Variants in RIN2 observed in about 807,000 individuals in gnomAD.
RIN2 encodes the protein RAB5 interacting protein 2.
In RIN2, 36 loss-of-function variants were observed where a neutral mutation model predicts 78.0. The ratio of observed to expected loss-of-function variants is 0.46; its 90% CI spans 0.35 to 0.61. RIN2 has a LOEUF of 0.61. Ranked by LOEUF, RIN2 falls within the 20% of genes least tolerant of loss-of-function variation. RIN2 has a pLI of 0.00. For synonymous variants in RIN2, 466 were observed against 466.8 expected (o/e 1.00, Z 0.02); for missense variants, 1,087 against 1,159.7 (o/e 0.94, Z 0.91).
intron 2 of RIN2, among the ~76,000 whole-genome samples, chr20:19,869,352 C>T (rs1568558202): frequency 6.6e-6 from 1 of 152,208 alleles, no homozygotes; most frequent in Non-Finnish European, 1.5e-5. Context: ...AAGACCCTCA[C>T]TATTCCTTCA....
At position 19,887,032 on chromosome 20, in the gene RIN2, T is replaced by C. The variant is rs117100994; in HGVS notation, c.-36-2534T>C. ...CTTTTGGGGCCCTGAAGAACTTTTT[T>C]TTTTTTCTTTCGAGACAGAGTGTTA... On this transcript the variant is annotated intron_variant, in intron 2 of 12. Transcript: ENST00000255006. Among the ~76,000 whole-genome samples, 338 of 152,120 alleles carry C rather than the reference T, an allele frequency of 2.2e-3. 3 individuals carry two copies. In the East Asian group the frequency reaches 0.026, roughly 12 times the overall value.
At chr20:19,788,439 A>AAAAAAAAAAAAAAAC (rs1555818733) in intron 1 of RIN2, among the ~76,000 whole-genome samples, 1 of 132,994 alleles carries the variant, frequency 7.5e-6, no homozygotes, top group Non-Finnish European at 1.5e-5. Context: ...TGCCAAAAAA[A>AAAAAAAAAAAAAAAC]AAAAAAAAAA....
intron 3 of RIN2, among the ~76,000 whole-genome samples, chr20:19,902,878 T>TTGAG (rs2039046636): frequency 6.6e-6 from 1 of 152,024 alleles, no homozygotes; most frequent in African/African-American, 2.4e-5. Flanking sequence ...TGGATCACAA[T>TTGAG]GTCAGGAGAT....
intron 2 of RIN2, among the ~76,000 whole-genome samples, chr20:19,856,077 CA>C (rs893945830): frequency 1.3e-5 from 2 of 149,682 alleles, no homozygotes; most frequent in Non-Finnish European, 3.0e-5. Flanking sequence ...CCTTCTAGAA[CA>C]AAAAAAAAGA....
At chr20:19,993,002 G>T (rs942759948) in intron 11 of RIN2, among the ~76,000 whole-genome samples, 6 of 151,894 alleles carry the variant, frequency 4.0e-5, no homozygotes, top group Non-Finnish European at 8.8e-5. Context: ...GTTGGCATTC[G>T]GGTTCCTTCT....
At chr20:19,810,754 C>T (rs1336859503) in intron 2 of RIN2, among the ~76,000 whole-genome samples, 5 of 128,024 alleles carry the variant, frequency 3.9e-5, no homozygotes, top group Non-Finnish European at 6.2e-5. Flanking sequence ...AGTGCAGTGG[C>T]GTGATCTCGG....
intron 2 of RIN2, among the ~76,000 whole-genome samples, chr20:19,850,471 A>G (rs1263604245): frequency 6.6e-6 from 1 of 152,194 alleles, no homozygotes. Context: ...GTCCTCACAA[A>G]CCACTTGGCC....
chr20:19,947,275 G>A (rs911258502), intron 4 of RIN2, among the ~76,000 whole-genome samples: 1 of 152,168 alleles, frequency 6.6e-6, no homozygotes, highest in African/African-American at 2.4e-5. Context: ...CTGAGGCTGA[G>A]GCAGGAGGAT....
rs1431075830 is a variant in RIN2, at chr20:19,975,048, C to G, written c.1023C>G (p.Asn341Lys). 1 of 1,609,586 alleles carries G rather than the reference C, an allele frequency of 6.2e-7. No individual in the cohort carries two copies. Among genetic ancestry groups the G allele is most frequent in the Non-Finnish European group, 8.5e-7 (1 of 1,178,174 alleles). Reference sequence around the variant, plus strand: ...GCATGCCAGAAACAGTCAACCATAACAAACATGGGAACGTAGCTCTGCCTG... The same window carrying G: ...GCATGCCAGAAACAGTCAACCATAAGAAACATGGGAACGTAGCTCTGCCTG... The part of the protein sequence containing the change: ...QTSMPETVNH[N>K]KHGNVALPGT... Residue 341 changes from asparagine to lysine, a missense_variant, in exon 9 of 13, where the codon AAC (asparagine) becomes AAG (lysine). Physicochemically the swap from Asn to Lys is moderately conservative, Grantham distance 94 (BLOSUM62 0). Around this residue, in one of 8 missense-constraint regions of RIN2, gnomAD observed 706 missense variants for 667.5 expected, o/e 1.06. Coordinates refer to ENST00000255006, the MANE Select transcript of RIN2 (RefSeq NM_018993.4). This position sits in a 1 kb window ranked among gnomAD's most constrained non-coding sequence, Gnocchi z 4.9.
chr20:19,860,949 A>G (rs1283068945), intron 2 of RIN2, among the ~76,000 whole-genome samples: 2 of 152,208 alleles, frequency 1.3e-5, no homozygotes, highest in Non-Finnish European at 2.9e-5. Context: ...AACCCAGGAA[A>G]GTAGCAAATT....
At chr20:19,948,933 G>T (rs564937070) in intron 4 of RIN2, among the ~76,000 whole-genome samples, 41 of 151,920 alleles carry the variant, frequency 2.7e-4, no homozygotes, top group Non-Finnish European at 5.0e-4. Flanking sequence ...CTCCGAAAAT[G>T]CTGGGATTAT....
chr20:19,925,097 G>GAA (rs11476905), intron 3 of RIN2, among the ~76,000 whole-genome samples: 2 of 133,476 alleles, frequency 1.5e-5, no homozygotes, highest in African/African-American at 2.8e-5. Context: ...TAAATTTGTG[G>GAA]AAAAAAAAAA....
intron 2 of RIN2, among the ~76,000 whole-genome samples, chr20:19,814,256 A>G (rs1183700784): frequency 6.6e-6 from 1 of 152,140 alleles, no homozygotes; most frequent in Non-Finnish European, 1.5e-5. Context: ...GACAAAAATA[A>G]ATCATGTTAA....
At chr20:19,986,903 A>C (rs2042639305) in intron 9 of RIN2, among the ~76,000 whole-genome samples, 1 of 152,264 alleles carries the variant, frequency 6.6e-6, no homozygotes, top group Non-Finnish European at 1.5e-5. Context: ...GACACAGTCC[A>C]GATCCAGATC....
chr20:19,803,807 TATTG>T (rs1196401401), intron 2 of RIN2, among the ~76,000 whole-genome samples: 1 of 152,192 alleles, frequency 6.6e-6, no homozygotes, highest in African/African-American at 2.4e-5. Context: ...ATTTTCACAA[TATTG>T]ATTCTTCCTA....
intron 4 of RIN2, among the ~76,000 whole-genome samples, chr20:19,938,346 G>A (rs1000262377): frequency 6.6e-6 from 1 of 151,888 alleles, no homozygotes; most frequent in Non-Finnish European, 1.5e-5. Flanking sequence ...AGCCTCCCAA[G>A]TAGTTGGAAG....
At chr20:19,926,339 TAAAAG>T (rs989023339) in intron 3 of RIN2, among the ~76,000 whole-genome samples, 1 of 152,046 alleles carries the variant, frequency 6.6e-6, no homozygotes, top group African/African-American at 2.4e-5. Context: ...TACACAAAGT[TAAAAG>T]AAAAGAAGCA....
intron 9 of RIN2, among the ~76,000 whole-genome samples, chr20:19,977,784 T>G (rs2042326036): frequency 6.6e-6 from 1 of 152,184 alleles, no homozygotes; most frequent in Non-Finnish European, 1.5e-5. Flanking sequence ...CAGCTCAGAC[T>G]AAAGCTCTCT....
At position 19,921,419 on chromosome 20, in the gene RIN2, C is replaced by T. The variant is rs2123799278; in HGVS notation, c.58-13680C>T. On this transcript the variant is annotated intron_variant, in intron 3 of 12. Coordinates refer to ENST00000255006, the MANE Select transcript of RIN2 (RefSeq NM_018993.4). ...ATCCGAGCTCCGCCTCCTCTCTGTC[C>T]TGATTTACCCCCTGCCTGGCACAAA... Among the ~76,000 whole-genome samples, 2 of 152,256 alleles carry T rather than the reference C, an allele frequency of 1.3e-5. 1 individual carries two copies.
Sources: gnomAD v4.1 joint callset for allele counts (sites outside exome capture counted in the v4.1 genomes callset) on GRCh38, gnomAD v4.1.1 for gene constraint, gnomAD v4.1.1 regional missense constraint, Gnocchi (gnomAD v3.1) non-coding constraint, MANE v1.5 for transcripts, NCBI Gene and HGNC (gene_info 2026-07-23, HGNC 2026-07-21) for gene names.